NBAS: variants seen among roughly 807,000 people sequenced by gnomAD.
NBAS encodes NBAS subunit of NRZ tethering complex.
In NBAS, 219 loss-of-function variants were observed where a neutral mutation model predicts 302.5. That is an observed-to-expected ratio of 0.72 (90% CI 0.65 to 0.81). The LOEUF (loss-of-function observed/expected upper bound fraction) is 0.81. NBAS is among the 30% of genes least tolerant of loss of function. NBAS has a pLI of 0.00. For synonymous variants in NBAS, 1,118 were observed against 1,021.6 expected, an observed-to-expected ratio of 1.09 and a Z score of -1.80; for missense variants, 2,932 against 2,841.6, an observed-to-expected ratio of 1.03 and a Z score of -0.72.
chr2:15,473,454 T>C, intron 15 of NBAS, 107 bp from the exon 16 acceptor site: 1 of 1,416,192 alleles, frequency 7.1e-7, no homozygotes, highest in Non-Finnish European at 9.7e-7. Context: ...ATCCAGCATG[T>C]CACTAATTCC....
Position 15,386,851 on chromosome 2 carries a change from T to C in NBAS, c.3258-3534A>G, listed in dbSNP as rs144195874. Among the ~76,000 whole-genome samples, 1,011 of 152,260 alleles carry C rather than the reference T, an allele frequency of 6.6e-3. 11 individuals are homozygous for C. The highest frequency in any genetic ancestry group is 0.022 in the African/African-American group (921 of 41,548). ...TATTGGATGTACTATGTTGCCAATT[T>C]TTCTACAGAGTAATCTGTTAGTTCT... On this transcript the variant is annotated intron_variant, in intron 28 of 51. Coordinates refer to ENST00000281513, the MANE Select transcript of NBAS (RefSeq NM_015909.4).
At chr2:15,344,437 T>C in intron 35 of NBAS, among the ~76,000 whole-genome samples, 1 of 152,028 alleles carries the variant, frequency 6.6e-6, no homozygotes, top group East Asian at 1.9e-4. Context: ...GACACATACA[T>C]ACATAATCCC....
rs373653996 is a variant in NBAS, at chr2:15,478,257, C to T, written c.1116G>A (p.Arg372=). The T allele has an allele frequency of 5.0e-6, 8 of 1,611,492 alleles. No homozygotes were observed. The East Asian group carries it at 1.6e-4, about 31-fold the overall frequency. ...TTTTTTTTCTCTTCTCAGTAGAGAG[C>T]CTCCAATCAGGATTAAGGTCATCAT... ...PGYDDLNPDW[R]LSTEKRKKIK... Residue 372 remains arginine, a synonymous_variant, in exon 13 of 52, where the codon AGG becomes AGA. Transcript: ENST00000281513.
chr2:15,281,954 A>G (rs1364884869), intron 42 of NBAS, among the ~76,000 whole-genome samples: 1 of 152,190 alleles, frequency 6.6e-6, no homozygotes, highest in African/African-American at 2.4e-5. Context: ...TAGGATTTCT[A>G]GATTTCTTCT....
the NBAS span, among the ~76,000 whole-genome samples, chr2:15,133,061 G>GTTT: frequency 4.6e-5 from 7 of 152,208 alleles, no homozygotes; most frequent in African/African-American, 1.4e-4. Context: ...TGCATCTTGT[G>GTTT]TTTTAAAATT....
intron 50 of NBAS, chr2:15,179,494 T>A (rs201785402): frequency 6.1e-4 from 119 of 193,912 alleles, no homozygotes; most frequent in East Asian, 1.5e-3. Context: ...TGTGTGTGTG[T>A]GAGAGAGAGA....
the NBAS span, among the ~76,000 whole-genome samples, chr2:14,879,394 C>T: frequency 6.6e-6 from 1 of 152,186 alleles, no homozygotes; most frequent in Admixed American, 6.5e-5. Context: ...AGCCACACTG[C>T]TTAAAGGTAG....
At chr2:14,787,337 G>T in the NBAS span, among the ~76,000 whole-genome samples, 1 of 152,060 alleles carries the variant, frequency 6.6e-6, no homozygotes, top group Admixed American at 6.6e-5. Context: ...AGTTAATATT[G>T]TTATGTGTGA....
the NBAS span, among the ~76,000 whole-genome samples, chr2:14,824,947 C>A: frequency 6.6e-6 from 1 of 152,106 alleles, no homozygotes; most frequent in Non-Finnish European, 1.5e-5. Flanking sequence ...CTGTCCAAGG[C>A]AAGGGGTACC....
At chr2:14,841,897 A>G in the NBAS span, among the ~76,000 whole-genome samples, 2 of 152,162 alleles carry the variant, frequency 1.3e-5, no homozygotes, top group Non-Finnish European at 2.9e-5. Flanking sequence ...ACATTATTTT[A>G]ATCAACATAT....
intron 21 of NBAS, among the ~76,000 whole-genome samples, chr2:15,438,515 G>A (rs1383532143): frequency 1.3e-5 from 2 of 152,078 alleles, no homozygotes; most frequent in South Asian, 2.1e-4. Flanking sequence ...CTACCACCAC[G>A]ATCAACAACA....
intron 6 of NBAS, among the ~76,000 whole-genome samples, chr2:15,540,623 A>G (rs983885003): frequency 3.3e-5 from 5 of 152,058 alleles, no homozygotes; most frequent in African/African-American, 1.2e-4. Context: ...GTAGCTTTCC[A>G]GTTTTGCCTT....
intron 21 of NBAS, among the ~76,000 whole-genome samples, chr2:15,458,993 G>A (rs1679382180): frequency 1.3e-5 from 2 of 152,090 alleles, no homozygotes; most frequent in South Asian, 4.2e-4. Flanking sequence ...GCTGCAATAG[G>A]GTATGACTAA....
At chr2:15,108,726 T>C in the NBAS span, among the ~76,000 whole-genome samples, 2 of 152,124 alleles carry the variant, frequency 1.3e-5, no homozygotes, top group Admixed American at 6.6e-5. Context: ...CCATAATTGA[T>C]TGCCTATAGT....
the NBAS span, among the ~76,000 whole-genome samples, chr2:15,104,801 G>T: frequency 6.6e-6 from 1 of 152,146 alleles, no homozygotes; most frequent in African/African-American, 2.4e-5. Flanking sequence ...CTAATGACCA[G>T]TGACGATGAG....
the NBAS span, among the ~76,000 whole-genome samples, chr2:14,941,685 C>A: frequency 1.3e-5 from 2 of 152,190 alleles, no homozygotes; most frequent in Non-Finnish European, 2.9e-5. Context: ...GATTGTTAAA[C>A]CCAATTGTCA....
chr2:15,009,405 A>C, the NBAS span, among the ~76,000 whole-genome samples: 3 of 152,190 alleles, frequency 2.0e-5, no homozygotes, highest in Non-Finnish European at 4.4e-5. Flanking sequence ...CTGATAAAAA[A>C]AAAAGTCTCC....
the NBAS span, among the ~76,000 whole-genome samples, chr2:15,098,593 T>C: frequency 7.7e-6 from 1 of 129,884 alleles, no homozygotes; most frequent in African/African-American, 3.0e-5. Flanking sequence ...ATATATTATA[T>C]ATATTATATA....
the NBAS span, among the ~76,000 whole-genome samples, chr2:14,952,509 A>G: frequency 2.6e-5 from 4 of 152,322 alleles, no homozygotes; most frequent in African/African-American, 9.6e-5. Context: ...AACAGAAAAC[A>G]GAAGATCAGA....
Sources: gnomAD v4.1 joint callset for allele counts (sites outside exome capture counted in the v4.1 genomes callset) on GRCh38, gnomAD v4.1.1 for gene constraint, MANE v1.5 for transcripts, NCBI Gene and HGNC (gene_info 2026-07-23, HGNC 2026-07-21) for gene names.